PTGER3: variants seen among roughly 807,000 people sequenced by gnomAD.
PTGER3 encodes prostaglandin E receptor 3, also known as prostaglandin E2 receptor EP3 subtype.
Under a neutral mutation model 34.7 loss-of-function variants are expected in PTGER3, and 22 were observed. That is an observed-to-expected ratio of 0.63 (90% CI 0.45 to 0.91). The LOEUF is 0.91. Among genes scored for constraint, PTGER3 ranks in the 40% least tolerant of loss-of-function variants. The pLI, the probability that PTGER3 is intolerant of heterozygous loss-of-function variation, is 0.00. For synonymous variants in PTGER3, 241 were observed against 230.1 expected, an observed-to-expected ratio of 1.05 and a Z score of -0.43; for missense variants, 468 against 519.4, an observed-to-expected ratio of 0.90 and a Z score of 0.96.
intron 4 of PTGER3, among the ~76,000 whole-genome samples, chr1:70,927,316 T>C (rs1434574867): frequency 6.6e-6 from 1 of 152,200 alleles, no homozygotes; most frequent in Non-Finnish European, 1.5e-5. Context: ...GGTCCTGGAC[T>C]CTTTTTGGTT....
At chr1:70,883,999 T>C (rs931908920) in intron 4 of PTGER3, 8 of 343,108 alleles carry the variant, frequency 2.3e-5, no homozygotes, top group Non-Finnish European at 4.1e-5. Flanking sequence ...GAGGCGAAGA[T>C]TGCAGTGAGT....
chr1:70,910,419 T>C (rs1647036707), intron 4 of PTGER3, among the ~76,000 whole-genome samples: 1 of 152,144 alleles, frequency 6.6e-6, no homozygotes, highest in African/African-American at 2.4e-5. Context: ...ATTTTATTTT[T>C]CTAGAAATGG....
At chr1:70,946,753 C>G (rs1415264867) in intron 4 of PTGER3, among the ~76,000 whole-genome samples, 1 of 152,146 alleles carries the variant, frequency 6.6e-6, no homozygotes, top group East Asian at 1.9e-4. Context: ...TTTGACACTT[C>G]TATTTCCAAT....
chr1:70,865,647 G>C (rs374875453), intron 4 of PTGER3: 7 of 1,356,340 alleles, frequency 5.2e-6, no homozygotes, highest in Non-Finnish European at 6.9e-6. Context: ...TGACTTCCTG[G>C]GTAAAAAGTC....
chr1:71,040,446 A>AC (rs1404391059), intron 1 of PTGER3, among the ~76,000 whole-genome samples: 6 of 152,010 alleles, frequency 3.9e-5, no homozygotes, highest in African/African-American at 1.5e-4. Context: ...TAGTAAAAAA[A>AC]AAATACAAAA....
chr1:70,971,668 G>A lies in PTGER3; in HGVS notation c.*62C>T, dbSNP rs5696. 1,308 of 1,535,646 alleles carry A rather than the reference G, an allele frequency of 8.5e-4. 21 individuals carry two copies. The African/African-American group carries it at 0.016, about 19-fold the overall frequency. ...ATATATAATTATCCTTCTCAGGTGG[G>A]AAGAAATATGCAAATTCAGGGAAGC... On this transcript the variant is annotated 3_prime_UTR_variant, in exon 4 of 4. Transcript: ENST00000306666.
Position 70,988,122 on chromosome 1 carries a change from A to G in PTGER3, c.1078-13734T>C, listed in dbSNP as rs1292821424. On this transcript the variant is annotated intron_variant, in intron 2 of 3. Transcript: ENST00000306666. ...CTGGATCTTACATAAAAGTGTTTAA[A>G]AACTCAGTTGTTTAATTTTAAATAT... 2.0e-5 allele frequency among the ~76,000 whole-genome samples: 3 copies of G among 152,182 alleles called. No homozygotes were observed. The East Asian group carries it at 5.8e-4, about 29-fold the overall frequency.
intron 2 of PTGER3, among the ~76,000 whole-genome samples, chr1:70,990,648 T>G (rs1195328388): frequency 6.6e-6 from 1 of 151,952 alleles, no homozygotes; most frequent in African/African-American, 2.4e-5. Context: ...ACCTGGCTAA[T>G]TTTTATGTTT....
chr1:71,022,576 G>A (rs566179366), intron 1 of PTGER3, among the ~76,000 whole-genome samples: 49 of 151,918 alleles, frequency 3.2e-4, no homozygotes, highest in African/African-American at 1.1e-3. Flanking sequence ...TCATCTCACA[G>A]GAGAATCCAA....
chr1:70,898,770 A>G (rs1180614703), intron 4 of PTGER3, among the ~76,000 whole-genome samples: 1 of 152,234 alleles, frequency 6.6e-6, no homozygotes, highest in African/African-American at 2.4e-5. Context: ...ATAAAAGCAT[A>G]TAAAATAGTG....
chr1:70,890,096 T>G (rs547444021), intron 4 of PTGER3, among the ~76,000 whole-genome samples: 1 of 152,312 alleles, frequency 6.6e-6, no homozygotes, highest in Admixed American at 6.5e-5. Flanking sequence ...CGGCTTAGTC[T>G]TTTATACACA....
chr1:70,873,542 T>G (rs1423691210), intron 4 of PTGER3, among the ~76,000 whole-genome samples: 1 of 152,028 alleles, frequency 6.6e-6, no homozygotes, highest in Non-Finnish European at 1.5e-5. Context: ...TGTATAAAAT[T>G]TAGAGAGATT....
At chr1:70,912,812 A>G (rs10736413) in intron 4 of PTGER3, among the ~76,000 whole-genome samples, 97,264 of 151,840 alleles carry the variant, frequency 0.64, 31,327 homozygotes, top group East Asian at 0.78. Context: ...GACCATATAA[A>G]TGTGAGACTA....
In PTGER3 at chr1:71,010,207, A is replaced by T. The variant is rs1657320552; in HGVS notation, c.1077+2098T>A. The T allele has an allele frequency of 3.0e-6, 3 of 984,116 alleles. No homozygotes were observed. The South Asian group carries it at 1.4e-4, about 46-fold the overall frequency. The allele number at this position is 984,116 out of a possible 1,614,324, so 61.0% of individuals were successfully genotyped here. Reference sequence around the variant, plus strand: ...ATAGTAATGTCCACTATCATTTGGAAGTATCAGTCTCCTAAATTATTAGTA... The same window carrying T: ...ATAGTAATGTCCACTATCATTTGGATGTATCAGTCTCCTAAATTATTAGTA... On this transcript the variant is annotated intron_variant, in intron 2 of 3. Transcript: ENST00000306666.
At position 70,963,648 on chromosome 1, in the gene PTGER3, C is replaced by T. The variant is rs543161320; in HGVS notation, c.1078-9859G>A. ...CTGGAGCAGCTGCAGGGTGCCAAGC[C>T]CCTGGCCTGCACACAGCAGGGGGAC... On this transcript the variant is annotated intron_variant, in intron 2 of 3. Coordinates refer to the PTGER3 transcript ENST00000356595. 9.9e-5 allele frequency among the ~76,000 whole-genome samples: 15 copies of T among 152,264 alleles called. No individual in the cohort carries two copies. The East Asian group carries it at 2.7e-3, about 28-fold the overall frequency.
At chr1:70,986,535 A>G (rs1233332577) in intron 2 of PTGER3, among the ~76,000 whole-genome samples, 1 of 152,180 alleles carries the variant, frequency 6.6e-6, no homozygotes, top group Non-Finnish European at 1.5e-5. Flanking sequence ...AAGCAGGACC[A>G]CAAGGCTAGA....
At chr1:70,936,010 C>T (rs1334767052) in intron 4 of PTGER3, among the ~76,000 whole-genome samples, 2 of 151,894 alleles carry the variant, frequency 1.3e-5, no homozygotes, top group Admixed American at 6.6e-5. Context: ...GGAGAATGCA[C>T]CAATACGTAA....
At chr1:71,038,063 C>T (rs1450151115) in intron 1 of PTGER3, among the ~76,000 whole-genome samples, 3 of 152,228 alleles carry the variant, frequency 2.0e-5, no homozygotes, top group Non-Finnish European at 2.9e-5. Context: ...CTCCACTTTA[C>T]TGTCTTGTGA....
chr1:70,954,840 C>T (rs566695882), intron 2 of PTGER3, among the ~76,000 whole-genome samples: 124 of 132,330 alleles, frequency 9.4e-4, no homozygotes, highest in African/African-American at 3.0e-3. Context: ...AACACATGAC[C>T]GTTAAAAAAA....
Sources: allele counts gnomAD v4.1 joint callset (sites outside exome capture counted in the v4.1 genomes callset), GRCh38; gene constraint gnomAD v4.1.1; transcripts MANE v1.5; gene names NCBI Gene and HGNC (gene_info 2026-07-23, HGNC 2026-07-21).